Variants in CCDC158 observed in about 807,000 individuals in gnomAD.
The protein encoded by CCDC158 is coiled-coil domain-containing protein 158.
CCDC158 carries 116 observed loss-of-function variants against 138.6 expected under a neutral mutation model. That is an observed-to-expected ratio of 0.84 (90% CI 0.72 to 0.98). The LOEUF is 0.98. Ranked by LOEUF, CCDC158 falls within the 50% of genes least tolerant of loss-of-function variation. The pLI is 0.00. For missense variants in CCDC158, 1,265 were observed against 1,306.1 expected (o/e 0.97, Z 0.48); for synonymous variants, 436 against 442.4 (o/e 0.99, Z 0.18).
intron 13 of CCDC158, among the ~76,000 whole-genome samples, chr4:76,359,342 C>A (rs1267247618): frequency 3.9e-5 from 6 of 152,070 alleles, no homozygotes; most frequent in Non-Finnish European, 1.5e-5. Context: ...TCTACAGATA[C>A]CTGAAAATAT....
chr4:76,400,556 TA>T (rs1019816240), intron 3 of CCDC158, among the ~76,000 whole-genome samples: 32 of 142,890 alleles, frequency 2.2e-4, no homozygotes, highest in African/African-American at 4.4e-4. Flanking sequence ...AGTATAATAG[TA>T]AAAAAAAAAA....
intron 9 of CCDC158, 126 bp from the exon 10 acceptor site, chr4:76,371,662 G>A: frequency 8.9e-7 from 1 of 1,124,520 alleles, no homozygotes; most frequent in East Asian, 2.6e-5. Context: ...GTGAGGCTGG[G>A]TGCAGTGGCT....
intron 24 of CCDC158, among the ~76,000 whole-genome samples, chr4:76,321,670 TTTTATA>T (rs1049283690): frequency 3.4e-5 from 5 of 145,376 alleles, no homozygotes; most frequent in Non-Finnish European, 7.5e-5. Context: ...CCATGTATAT[TTTTATA>T]TATATATATA....
intron 15 of CCDC158, 106 bp from the exon 16 acceptor site, chr4:76,353,387 T>G (rs897390490): frequency 3.6e-6 from 3 of 839,930 alleles, no homozygotes; most frequent in Non-Finnish European, 5.4e-6. Context: ...ACTAGGTAAG[T>G]TTAATTTATA....
chr4:76,336,515 C>G (rs923351974), intron 18 of CCDC158, among the ~76,000 whole-genome samples: 1 of 152,136 alleles, frequency 6.6e-6, no homozygotes, highest in African/African-American at 2.4e-5. Context: ...CTACGGCATT[C>G]TAGTAATATG....
At chr4:76,357,310 T>C in intron 14 of CCDC158, 64 bp downstream of exon 14, 4 of 1,220,816 alleles carry the variant, frequency 3.3e-6, no homozygotes, top group Non-Finnish European at 4.4e-6. Flanking sequence ...GAGTTTCTGT[T>C]TTAACAAATT....
chr4:76,314,176 G>A (rs1719153980), intron 24 of CCDC158, among the ~76,000 whole-genome samples: 1 of 152,124 alleles, frequency 6.6e-6, no homozygotes, highest in Non-Finnish European at 1.5e-5. Flanking sequence ...ATTTTCAAGA[G>A]GCGTCCCATC....
chr4:76,396,017 T>C (rs1295402990), intron 4 of CCDC158, among the ~76,000 whole-genome samples: 1 of 152,230 alleles, frequency 6.6e-6, no homozygotes, highest in Admixed American at 6.5e-5. Flanking sequence ...TCAAGTTTCA[T>C]TAAAATTTAT....
chr4:76,410,324 A>C (rs1729198491), intron 2 of CCDC158, among the ~76,000 whole-genome samples: 2 of 152,148 alleles, frequency 1.3e-5, no homozygotes, highest in Non-Finnish European at 1.5e-5. Context: ...AGCTGGGATT[A>C]CAGGCATGTG....
rs193038249 is a variant in CCDC158 at position 76,400,118 on chromosome 4, G to A, written c.70+3020C>T. ...GGTGTGATTTTCGTATGTTTATTGC[G>A]GCACTATTCACAATAGCAAAGACTT... is the stretch of plus-strand genomic sequence containing the variant. On this transcript the variant is annotated intron_variant, in intron 3 of 24. Coordinates refer to ENST00000682701, the MANE Select transcript of CCDC158 (RefSeq NM_001394954.1). Among the ~76,000 whole-genome samples, 419 of 152,022 alleles carry A rather than the reference G, an allele frequency of 2.8e-3. 2 individuals are homozygous for A. The highest frequency in any genetic ancestry group is 9.6e-3 in the African/African-American group (399 of 41,414).
chr4:76,350,163 G>C (rs777503807), intron 18 of CCDC158, among the ~76,000 whole-genome samples: 1 of 152,190 alleles, frequency 6.6e-6, no homozygotes, highest in Non-Finnish European at 1.5e-5. Flanking sequence ...TGTCCAGAGG[G>C]AAACATGCTT....
intron 10 of CCDC158, among the ~76,000 whole-genome samples, chr4:76,371,065 A>C (rs916701464): frequency 6.6e-6 from 1 of 152,204 alleles, no homozygotes; most frequent in Admixed American, 6.5e-5. Context: ...CTAACCGTCC[A>C]TTCCAAATTT....
intron 14 of CCDC158, chr4:76,356,676 A>G (rs1723599277): frequency 6.6e-6 from 1 of 152,202 alleles, no homozygotes; most frequent in Non-Finnish European, 1.5e-5. Flanking sequence ...TCTTCTTTAT[A>G]TCGTTCTAAT....
chr4:76,346,086 C>T (rs972611001), intron 18 of CCDC158, among the ~76,000 whole-genome samples: 2 of 152,188 alleles, frequency 1.3e-5, no homozygotes, highest in South Asian at 2.1e-4. Context: ...AATAACGCCA[C>T]ACATCTACAA....
At chr4:76,369,048 T>C (rs1724967723) in intron 11 of CCDC158, among the ~76,000 whole-genome samples, 1 of 151,992 alleles carries the variant, frequency 6.6e-6, no homozygotes, top group East Asian at 1.9e-4. Context: ...ACCCCATCTC[T>C]ACTAAAACTA....
In CCDC158 at chr4:76,334,055, G is replaced by C. The variant is rs775903125; in HGVS notation, c.2777C>G (p.Thr926Arg). ...CAGAGATGTTCTTCCATCTTCCTCT[G>C]TCTTGCTCAGAGACACAGCTGGCTC... ...NEEPAVSLSK[T>R]EEDGRTSLGA... Residue 926 changes from threonine (T) to arginine (R), a missense_variant, in exon 19 of 25, where the codon ACA becomes AGA. Transcript: ENST00000682701. 3.7e-6 allele frequency: 6 copies of C among 1,613,758 alleles called. No individual in the cohort carries two copies. In the East Asian group the frequency reaches 8.9e-5, roughly 24 times the overall value.
intron 2 of CCDC158, among the ~76,000 whole-genome samples, chr4:76,409,040 A>T (rs547271339): frequency 1.3e-5 from 2 of 152,254 alleles, no homozygotes; most frequent in African/African-American, 4.8e-5. Context: ...TTTCAACAAG[A>T]ATTTTAAAAC....
chr4:76,368,295 A>G (rs555735858), intron 11 of CCDC158, among the ~76,000 whole-genome samples: 1 of 152,150 alleles, frequency 6.6e-6, no homozygotes, highest in South Asian at 2.1e-4. Context: ...ATTTCCCTCC[A>G]ACTTTACCTT....
chr4:76,376,170 T>C (rs1430691138), intron 9 of CCDC158, among the ~76,000 whole-genome samples: 7 of 152,130 alleles, frequency 4.6e-5, no homozygotes, highest in Non-Finnish European at 8.8e-5. Flanking sequence ...CCTCCCATCT[T>C]AGCCTTTCTA....
Sources: allele counts gnomAD v4.1 joint callset (sites outside exome capture counted in the v4.1 genomes callset), GRCh38; gene constraint gnomAD v4.1.1; transcripts MANE v1.5; gene names NCBI Gene and HGNC (gene_info 2026-07-23, HGNC 2026-07-21).